The following VPS53 variants were observed in gnomAD, a reference collection of about 807,000 sequenced individuals.
The protein encoded by VPS53 is VPS53 subunit of GARP complex.
Under a neutral mutation model 107.0 loss-of-function variants are expected in VPS53, and 70 were observed. The observed-to-expected ratio is 0.65, with a 90% CI of 0.54 to 0.80. The LOEUF is 0.80. VPS53 is among the 30% of genes least tolerant of loss of function. The probability of loss-of-function intolerance (pLI) is 0.00; values close to 1 mark genes in which losing one functional copy is unlikely to be tolerated. For synonymous variants in VPS53, 409 were observed against 393.3 expected (o/e 1.04, Z -0.47); for missense variants, 917 against 1,049.4 (o/e 0.87, Z 1.74).
Position 655,888 on chromosome 17 carries a change from G to T in VPS53, c.438C>A (p.Ile146=). 6.2e-7 allele frequency: 1 copy of T among 1,614,086 alleles called. No individual in the cohort carries two copies. Among genetic ancestry groups the T allele is most frequent in the Non-Finnish European group, 8.5e-7 (1 of 1,179,954 alleles). Reference sequence around the variant, plus strand: ...GCATGTGCAGGTGGTTCAGTGTGGTGATTGAGGTGGTCAGGTGGCGTTTGG... The same window carrying T: ...GCATGTGCAGGTGGTTCAGTGTGGTTATTGAGGTGGTCAGGTGGCGTTTGG... ...DHAKRHLTTS[I]TTLNHLHMLA... The change falls in exon 6 of 22, where the codon ATC becomes ATA. Residue 146 remains isoleucine, a synonymous_variant. Coordinates refer to ENST00000437048, the MANE Select transcript of VPS53 (RefSeq NM_001128159.3).
At chr17:701,798 C>T (rs1021993267) in intron 2 of VPS53, among the ~76,000 whole-genome samples, 4 of 152,190 alleles carry the variant, frequency 2.6e-5, no homozygotes, top group Non-Finnish European at 4.4e-5. Flanking sequence ...GCAATCATAG[C>T]TCACTGTAAC....
intron 11 of VPS53, among the ~76,000 whole-genome samples, chr17:614,196 G>A (rs1453588721): frequency 3.9e-5 from 6 of 152,194 alleles, no homozygotes; most frequent in Admixed American, 3.3e-4. Context: ...AGCTGGGATC[G>A]TGGCATCATC....
At chr17:532,952 C>A in intron 18 of VPS53, 41 bp from the exon 19 acceptor site, 1 of 1,595,062 alleles carries the variant, frequency 6.3e-7, no homozygotes, top group South Asian at 1.1e-5. Flanking sequence ...CTTATTCTCT[C>A]TTGAGGAAAG....
intron 7 of VPS53, among the ~76,000 whole-genome samples, chr17:645,503 T>C (rs939765853): frequency 2.0e-5 from 3 of 152,222 alleles, no homozygotes; most frequent in African/African-American, 7.2e-5. Flanking sequence ...AGTTTTAAAA[T>C]TTTTCATAAA....
intron 7 of VPS53, among the ~76,000 whole-genome samples, chr17:635,943 G>A (rs1970181374): frequency 6.6e-6 from 1 of 152,216 alleles, no homozygotes. Flanking sequence ...GAAAGTCATT[G>A]GTAGCTTGAT....
At chr17:554,574 C>T (rs535956476) in intron 15 of VPS53, among the ~76,000 whole-genome samples, 10 of 152,016 alleles carry the variant, frequency 6.6e-5, no homozygotes, top group Non-Finnish European at 1.3e-4. Context: ...CGGCTAATTT[C>T]GTATTTTTAG....
At chr17:545,648 T>C (rs1322075376) in intron 17 of VPS53, among the ~76,000 whole-genome samples, 1 of 152,220 alleles carries the variant, frequency 6.6e-6, no homozygotes, top group Non-Finnish European at 1.5e-5. Flanking sequence ...ACTCCCTGGC[T>C]CCCTCTTTAC....
intron 11 of VPS53, among the ~76,000 whole-genome samples, chr17:607,187 C>T (rs1453681985): frequency 2.0e-5 from 3 of 152,126 alleles, no homozygotes; most frequent in African/African-American, 7.2e-5. Flanking sequence ...TCACAGAAAA[C>T]GTGGGCATGC....
At chr17:590,303 T>A (rs1490161318) in intron 12 of VPS53, among the ~76,000 whole-genome samples, 1 of 152,206 alleles carries the variant, frequency 6.6e-6, no homozygotes, top group Non-Finnish European at 1.5e-5. Flanking sequence ...TTTCTAGATA[T>A]ACAATCATGT....
intron 12 of VPS53, among the ~76,000 whole-genome samples, chr17:598,446 T>G (rs1968104234): frequency 2.0e-5 from 3 of 151,466 alleles, no homozygotes; most frequent in Admixed American, 2.0e-4. Flanking sequence ...GAGGAGCCCC[T>G]CTGCCTGGCT....
rs371160334 is a variant in VPS53, at chr17:629,858, G to A, written c.688-1627C>T. Among the ~76,000 whole-genome samples the A allele has an allele frequency of 5.7e-4, 85 of 148,838 alleles. 1 individual carries two copies. The highest frequency in any genetic ancestry group is 1.1e-3 in the Non-Finnish European group (73 of 67,532). On this transcript the variant is annotated intron_variant, in intron 8 of 21. Transcript: ENST00000437048. ...ACACACACACACACGAAGTCACTAT[G>A]CCAGAGAAAAGGGAGGCATGTTGTT...
intron 7 of VPS53, among the ~76,000 whole-genome samples, chr17:633,867 G>A (rs1970068829): frequency 6.6e-6 from 1 of 152,212 alleles, no homozygotes; most frequent in Non-Finnish European, 1.5e-5. Context: ...ACACGAGGAG[G>A]CAGCACACAG....
intron 4 of VPS53, among the ~76,000 whole-genome samples, chr17:692,896 G>A (rs545761660): frequency 9.1e-4 from 138 of 152,208 alleles, no homozygotes; most frequent in Non-Finnish European, 1.7e-3. Flanking sequence ...AGCACTTTGG[G>A]AGGCCGAGGC....
intron 4 of VPS53, among the ~76,000 whole-genome samples, chr17:679,948 G>C (rs990340044): frequency 3.3e-5 from 5 of 152,102 alleles, no homozygotes; most frequent in African/African-American, 9.7e-5. Flanking sequence ...AGGAGTTCGA[G>C]ACCAGCCTGG....
intron 7 of VPS53, 43 bp from the exon 8 acceptor site, chr17:631,671 T>A (rs776559144): frequency 6.4e-7 from 1 of 1,574,760 alleles, no homozygotes; most frequent in South Asian, 1.1e-5. Flanking sequence ...CATCATATCC[T>A]TATGTAACTA....
At chr17:620,405 C>G (rs1391912836) in intron 11 of VPS53, among the ~76,000 whole-genome samples, 7 of 152,206 alleles carry the variant, frequency 4.6e-5, no homozygotes, top group African/African-American at 1.2e-4. Flanking sequence ...AGGGTAGGAG[C>G]TAGAGAAGGT....
chr17:645,592 T>C (rs1268857182), intron 7 of VPS53, among the ~76,000 whole-genome samples: 1 of 152,254 alleles, frequency 6.6e-6, no homozygotes. Flanking sequence ...AATACAGTGG[T>C]GTGAAGATCT....
intron 13 of VPS53, among the ~76,000 whole-genome samples, chr17:585,724 C>T (rs537190094): frequency 3.2e-4 from 49 of 152,150 alleles, no homozygotes; most frequent in Non-Finnish European, 7.4e-5. Context: ...GATCTGACAA[C>T]GAAATGCATG....
chr17:711,551 CAAT>C (rs1973642552), intron 1 of VPS53, among the ~76,000 whole-genome samples: 1 of 152,170 alleles, frequency 6.6e-6, no homozygotes, highest in African/African-American at 2.4e-5. Context: ...TACACAGTCT[CAAT>C]GATACGTGCT....
Sources: gnomAD v4.1 joint callset for allele counts (sites outside exome capture counted in the v4.1 genomes callset) on GRCh38, gnomAD v4.1.1 for gene constraint, MANE v1.5 for transcripts, NCBI Gene and HGNC (gene_info 2026-07-23, HGNC 2026-07-21) for gene names.